The following PAXBP1 variants were observed in gnomAD, a reference collection of about 807,000 sequenced individuals.
The protein encoded by PAXBP1 is PAX3 and PAX7 binding protein 1, also known as PAX3- and PAX7-binding protein 1.
A neutral mutation model predicts 119.9 loss-of-function variants in PAXBP1; 44 were observed. The ratio of observed to expected loss-of-function variants is 0.37; its 90% confidence interval spans 0.29 to 0.47. The LOEUF (loss-of-function observed/expected upper bound fraction) is 0.47, where lower values mean the gene tolerates loss of function less well. Among genes scored for constraint, PAXBP1 ranks in the 20% least tolerant of loss-of-function variants. The probability of loss-of-function intolerance (pLI) is 0.99; values close to 1 mark genes in which losing one functional copy is unlikely to be tolerated. For synonymous variants in PAXBP1, 393 were observed against 406.6 expected (o/e 0.97, Z 0.40); for missense variants, 898 against 1,134.1 (o/e 0.79, Z 2.99).
intron 5 of PAXBP1, 117 bp downstream of exon 5, chr21:32,760,942 T>G: frequency 1.4e-6 from 1 of 694,616 alleles, no homozygotes; most frequent in Non-Finnish European, 2.4e-6. Flanking sequence ...TGTCTCCTCA[T>G]GGGATTTTGT....
Position 32,759,849 on chromosome 21 carries a change from A to G in PAXBP1, c.1121T>C (p.Val374Ala). 6.2e-7 allele frequency: 1 copy of G among 1,614,000 alleles called. No homozygotes were observed. The highest frequency in any genetic ancestry group is 8.5e-7 in the Non-Finnish European group (1 of 1,179,918). Residue 374 changes from valine (V) to alanine (A), a missense_variant, in exon 6 of 18, where the codon GTC becomes GCC. Physicochemically the swap from Val to Ala is moderately conservative, Grantham distance 64 (BLOSUM62 0). Transcript: ENST00000331923. The part of the protein sequence containing the change: ...DAKSQKTDNT[V>A]PFKTPSNEMT... The stretch of plus-strand genomic sequence containing the variant: ...CTCATTACTGGGAGTTTTGAAAGGG[A>G]CTGTATTATCTGTTTTTTGAGATTT...
intron 1 of PAXBP1, 126 bp from the exon 2 acceptor site, chr21:32,770,068 T>C (rs1601614892): frequency 1.5e-6 from 1 of 654,792 alleles, no homozygotes; most frequent in South Asian, 2.4e-5. Flanking sequence ...AAAATCATTG[T>C]ATAATTATTT....
chr21:32,759,493 T>C (rs2044101964), intron 6 of PAXBP1: 1 of 610,754 alleles, frequency 1.6e-6, no homozygotes, highest in Non-Finnish European at 2.8e-6. Context: ...GTTTTGCTTT[T>C]CCCCCCATAG....
At chr21:32,760,899 G>A (rs564086043) in intron 5 of PAXBP1, among the ~76,000 whole-genome samples, 160 bp downstream of exon 5, 12 of 104,436 alleles carry the variant, frequency 1.1e-4, no homozygotes, top group Non-Finnish European at 1.8e-4. Flanking sequence ...GTGTGCGTGC[G>A]TGCGTGTGTG....
chr21:32,756,471 C>G, intron 7 of PAXBP1: 1 of 481,854 alleles, frequency 2.1e-6, no homozygotes, highest in East Asian at 6.1e-5. Context: ...AGCAAATGTT[C>G]ACAGAAAGGT....
In PAXBP1 at chr21:32,737,254, C is replaced by T; in HGVS notation, c.2636G>A (p.Arg879Lys). The change falls in exon 17 of 18, where the codon AGG (arginine) becomes AAG (lysine). Residue 879 changes from arginine (R) to lysine (K), a missense_variant and splice_region_variant. Transcript: ENST00000331923. ...GCSDVEKRNARENIKQIVKLL... is the reference protein window; with the variant it reads ...GCSDVEKRNAKENIKQIVKLL... Reference sequence around the variant, plus strand: ...ACCATTTCATTAATTACAAAATTACCTTGCATTTCTTTTTTCCACATCAGA... The same window carrying T: ...ACCATTTCATTAATTACAAAATTACTTTGCATTTCTTTTTTCCACATCAGA... The T allele has an allele frequency of 6.6e-7, 1 of 1,510,934 alleles. No individual in the cohort carries two copies. The highest frequency in any genetic ancestry group is 8.9e-7 in the Non-Finnish European group (1 of 1,125,096). 93.6% of individuals were successfully genotyped at this position (1,510,934 alleles called of 1,614,324 possible). A position where few individuals can be genotyped will look rare whatever the true frequency, so the allele number is the denominator to read the frequency against.
Position 32,737,417 on chromosome 21 carries a change from A to G in PAXBP1, c.2482-9T>C, listed in dbSNP as rs750084791. ...GGGAAACAATTGATTACCTGTGGAG[A>G]AGAAAGACGTAAAATAAAATAGTTA... On this transcript the variant is annotated splice_polypyrimidine_tract_variant and intron_variant, in intron 16 of 17. Transcript: ENST00000331923. 6 of 1,588,158 alleles carry G rather than the reference A, an allele frequency of 3.8e-6. No individual in the cohort carries two copies. The highest frequency in any genetic ancestry group is 5.1e-6 in the Non-Finnish European group (6 of 1,169,110).
intron 3 of PAXBP1, among the ~76,000 whole-genome samples, chr21:32,762,826 G>A (rs778944242): frequency 5.4e-5 from 8 of 149,128 alleles, no homozygotes; most frequent in East Asian, 2.0e-4. Context: ...CAGGAGAATC[G>A]CTTGAACCCA....
At chr21:32,741,498 T>C (rs949803798) in intron 15 of PAXBP1, 4 of 774,080 alleles carry the variant, frequency 5.2e-6, no homozygotes, top group Non-Finnish European at 9.6e-6. Context: ...CAAAAAGGTA[T>C]GATCTACTGC....
At chr21:32,758,730 G>A (rs914320085) in intron 7 of PAXBP1, among the ~76,000 whole-genome samples, 1 of 149,136 alleles carries the variant, frequency 6.7e-6, no homozygotes, top group East Asian at 2.0e-4. Context: ...TTAAAAATAA[G>A]TTTAAACCTG....
chr21:32,743,204 G>T, intron 15 of PAXBP1, 44 bp downstream of exon 15: 1 of 1,427,512 alleles, frequency 7.0e-7, no homozygotes, highest in Non-Finnish European at 9.7e-7. Context: ...AATATATGAA[G>T]TCAAACGAAA....
chr21:32,746,302 A>G, intron 11 of PAXBP1, among the ~76,000 whole-genome samples: 1 of 152,250 alleles, frequency 6.6e-6, no homozygotes, highest in East Asian at 1.9e-4. Context: ...CTACGCAGCA[A>G]AAGAAACTAT....
At chr21:32,750,018 G>A (rs1296524531) in intron 10 of PAXBP1, among the ~76,000 whole-genome samples, 1 of 152,142 alleles carries the variant, frequency 6.6e-6, no homozygotes, top group East Asian at 1.9e-4. Flanking sequence ...TTTCCAGGAT[G>A]CCATTGAGAA....
chr21:32,751,544 T>C, intron 8 of PAXBP1: 1 of 184,178 alleles, frequency 5.4e-6, no homozygotes, highest in Non-Finnish European at 1.2e-5. Context: ...CCAAATAAAT[T>C]AAAACTCTAA....
intron 2 of PAXBP1, among the ~76,000 whole-genome samples, chr21:32,764,956 T>G (rs1189021403): frequency 6.6e-6 from 1 of 152,246 alleles, no homozygotes; most frequent in African/African-American, 2.4e-5. Context: ...GCAACTCTGT[T>G]ATGAACAAAG....
At chr21:32,743,808 T>G in intron 13 of PAXBP1, 54 bp from the exon 14 acceptor site, 1 of 994,700 alleles carries the variant, frequency 1.0e-6, no homozygotes, top group South Asian at 1.5e-5. Context: ...ACAAGAAAAA[T>G]AAGCCATATT....
chr21:32,769,633 A>G (rs2044300711), intron 2 of PAXBP1, among the ~76,000 whole-genome samples, 181 bp downstream of exon 2: 1 of 152,236 alleles, frequency 6.6e-6, no homozygotes, highest in Admixed American at 6.5e-5. Flanking sequence ...CTGTCTTCTT[A>G]TAAAATACAT....
In PAXBP1 at chr21:32,745,543, G is replaced by A. The variant is rs548948312; in HGVS notation, c.2068+31C>T. On this transcript the variant is annotated intron_variant, in intron 12 of 17. Transcript: ENST00000331923. ...TAGATTTGAGAAAGCCAGTGTGTCT[G>A]AATGCTCAATTCAGAGAACAGGAGA... 13 of 1,611,862 alleles carry A rather than the reference G, an allele frequency of 8.1e-6. No homozygotes were observed. In the African/African-American group the frequency reaches 1.5e-4, roughly 18 times the overall value.
Position 32,745,868 on chromosome 21 carries a change from A to C in PAXBP1, c.1924-150T>G, listed in dbSNP as rs922287852. On this transcript the variant is annotated intron_variant, in intron 11 of 17. Transcript: ENST00000331923. The stretch of plus-strand genomic sequence containing the variant: ...GAGATATCATGCTACCAGACTTCAA[A>C]CTATAAGGCCACAGTAACCAAAACA... 1.0e-5 allele frequency: 9 copies of C among 903,496 alleles called. No homozygotes were observed. The African/African-American group carries it at 1.5e-4, about 15-fold the overall frequency. The allele number at this position is 903,496 out of a possible 1,614,324, so 56.0% of individuals were successfully genotyped here.
Sources: gnomAD v4.1 joint callset for allele counts (sites outside exome capture counted in the v4.1 genomes callset) on GRCh38, gnomAD v4.1.1 for gene constraint, MANE v1.5 for transcripts, NCBI Gene and HGNC (gene_info 2026-07-23, HGNC 2026-07-21) for gene names.